The following XKR6 variants were observed in gnomAD, a reference collection of about 807,000 sequenced individuals.
XKR6 encodes the protein XK-related protein 6.
XKR6 carries 22 observed loss-of-function variants against 56.7 expected under a neutral mutation model. That is an observed-to-expected ratio of 0.39 (90% confidence interval 0.28 to 0.55). The LOEUF is 0.55. Among genes scored for constraint, XKR6 ranks in the 20% least tolerant of loss-of-function variants. XKR6 has a pLI of 0.66. For missense variants in XKR6, 852 were observed against 889.0 expected (o/e 0.96, Z 0.53); for synonymous variants, 524 against 387.8 (o/e 1.35, Z -4.13).
intron 1 of XKR6, among the ~76,000 whole-genome samples, chr8:10,932,172 T>G (rs957244464): frequency 3.9e-5 from 6 of 152,164 alleles, no homozygotes; most frequent in African/African-American, 1.4e-4. Context: ...GTACTTCATA[T>G]CTGTTAAAAT....
At chr8:10,948,414 C>T (rs1429473647) in intron 1 of XKR6, among the ~76,000 whole-genome samples, 1 of 152,164 alleles carries the variant, frequency 6.6e-6, no homozygotes, top group Non-Finnish European at 1.5e-5. Context: ...GAGAAGGCTG[C>T]TATGTTCTGC....
At chr8:11,165,933 G>GTATA (rs201774023) in intron 1 of XKR6, among the ~76,000 whole-genome samples, 351 of 146,436 alleles carry the variant, frequency 2.4e-3, no homozygotes, top group African/African-American at 4.1e-3. Context: ...ATACATTCAT[G>GTATA]TATATATATA....
At chr8:10,964,641 C>T (rs1377255942) in intron 1 of XKR6, among the ~76,000 whole-genome samples, 1 of 152,196 alleles carries the variant, frequency 6.6e-6, no homozygotes, top group East Asian at 1.9e-4. Context: ...ACAATCAGCA[C>T]CTGCCTGTCC....
chr8:10,972,567 G>C (rs1366563309), intron 1 of XKR6, among the ~76,000 whole-genome samples: 2 of 152,192 alleles, frequency 1.3e-5, no homozygotes, highest in Non-Finnish European at 2.9e-5. Flanking sequence ...GCTACAACAT[G>C]GGTAGACCTT....
chr8:11,061,714 C>T (rs1460465615), intron 1 of XKR6, among the ~76,000 whole-genome samples: 2 of 152,160 alleles, frequency 1.3e-5, no homozygotes, highest in Non-Finnish European at 2.9e-5. Flanking sequence ...CATCCATTCC[C>T]CTCTTCCAGG....
chr8:10,953,043 G>C (rs1213412878), intron 1 of XKR6, among the ~76,000 whole-genome samples: 1 of 152,074 alleles, frequency 6.6e-6, no homozygotes, highest in African/African-American at 2.4e-5. Flanking sequence ...CTCCAGATGG[G>C]ACCATCTAGT....
intron 1 of XKR6, among the ~76,000 whole-genome samples, chr8:10,946,740 C>T (rs1801557442): frequency 6.6e-6 from 1 of 152,180 alleles, no homozygotes; most frequent in Non-Finnish European, 1.5e-5. Context: ...AGCATGGTCC[C>T]TGCCCTCATG....
At chr8:11,110,242 G>C (rs112795572) in intron 1 of XKR6, among the ~76,000 whole-genome samples, 14,486 of 152,106 alleles carry the variant, frequency 0.095, 2,173 homozygotes, top group African/African-American at 0.32. Context: ...CAAAGTGCTG[G>C]GATTACAGGC....
At chr8:11,082,444 G>A (rs925365945) in intron 1 of XKR6, among the ~76,000 whole-genome samples, 3 of 152,200 alleles carry the variant, frequency 2.0e-5, no homozygotes, top group Non-Finnish European at 4.4e-5. Flanking sequence ...CAGCTTCACC[G>A]GGCAAACAGT....
At chr8:11,061,744 G>T in intron 1 of XKR6, among the ~76,000 whole-genome samples, 1 of 152,276 alleles carries the variant, frequency 6.6e-6, no homozygotes, top group African/African-American at 2.4e-5. Flanking sequence ...CCAGGACGAG[G>T]CCAGCCCATT....
At chr8:11,060,144 T>C (rs940011625) in intron 1 of XKR6, among the ~76,000 whole-genome samples, 2 of 152,122 alleles carry the variant, frequency 1.3e-5, no homozygotes, top group African/African-American at 4.8e-5. Context: ...GATCAGAGCT[T>C]GGGGAGGGTG....
At chr8:11,064,046 T>C (rs747166599) in intron 1 of XKR6, among the ~76,000 whole-genome samples, 4 of 152,184 alleles carry the variant, frequency 2.6e-5, no homozygotes, top group African/African-American at 7.2e-5. Context: ...CATCCATCAG[T>C]CCTTCCCTTT....
chr8:11,093,020 T>C (rs1798129064), intron 1 of XKR6, among the ~76,000 whole-genome samples: 1 of 148,932 alleles, frequency 6.7e-6, no homozygotes. Flanking sequence ...TCTTTCTCTT[T>C]TCTTTTTTCT....
intron 1 of XKR6, among the ~76,000 whole-genome samples, chr8:11,051,750 G>C (rs778591745): frequency 5.3e-5 from 8 of 152,076 alleles, no homozygotes; most frequent in Non-Finnish European, 1.0e-4. Flanking sequence ...ATTTGAGGTT[G>C]AAATAAGACT....
At chr8:11,160,863 G>C (rs2117010226) in intron 1 of XKR6, among the ~76,000 whole-genome samples, 1 of 122,002 alleles carries the variant, frequency 8.2e-6, no homozygotes, top group South Asian at 2.7e-4. Flanking sequence ...AGTGAGCCGA[G>C]ATCACACCAC....
intron 1 of XKR6, among the ~76,000 whole-genome samples, chr8:11,198,191 C>G (rs1475249247): frequency 6.6e-6 from 1 of 152,182 alleles, no homozygotes; most frequent in Admixed American, 6.5e-5. Context: ...AAGAATTCCT[C>G]TAAAGCTTTT....
chr8:11,197,899 T>C (rs1355853230), intron 1 of XKR6, among the ~76,000 whole-genome samples: 1 of 152,174 alleles, frequency 6.6e-6, no homozygotes, highest in Non-Finnish European at 1.5e-5. Context: ...AACCAAATAA[T>C]TTTACATTAA....
At chr8:11,132,932 T>TTGTTGACTAAAAAGATACAAGTAA (rs1800185930) in intron 1 of XKR6, among the ~76,000 whole-genome samples, 1 of 151,886 alleles carries the variant, frequency 6.6e-6, no homozygotes, top group Admixed American at 6.6e-5. Flanking sequence ...CTTTTCAATT[T>TTGTTGACTAAAAAGATACAAGTAA]AGACTAAAAA....
intron 1 of XKR6, among the ~76,000 whole-genome samples, chr8:10,992,268 CTCTG>C (rs1798010429): frequency 6.9e-6 from 1 of 145,058 alleles, no homozygotes. Flanking sequence ...CTCTCTGTCT[CTCTG>C]TCTCTCTCTC....
Sources: allele counts gnomAD v4.1 joint callset (sites outside exome capture counted in the v4.1 genomes callset), GRCh38; gene constraint gnomAD v4.1.1; transcripts MANE v1.5; gene names NCBI Gene and HGNC (gene_info 2026-07-23, HGNC 2026-07-21).